The following KCNJ16 variants were observed in gnomAD, a reference collection of about 807,000 sequenced individuals.
KCNJ16 encodes inward rectifier potassium channel 16.
KCNJ16 carries 15 observed loss-of-function variants against 18.5 expected under a neutral mutation model. The observed-to-expected ratio is 0.81, with a 90% confidence interval of 0.54 to 1.25. KCNJ16 has a LOEUF of 1.25. KCNJ16 is among the 50% of genes most tolerant of loss of function. KCNJ16 has a pLI of 0.00. For missense variants in KCNJ16, 523 were observed against 525.7 expected (o/e 0.99, Z 0.05); for synonymous variants, 174 against 186.5 (o/e 0.93, Z 0.55).
chr17:70,118,479 T>C (rs968296879), intron 2 of KCNJ16, among the ~76,000 whole-genome samples: 2 of 152,056 alleles, frequency 1.3e-5, no homozygotes, highest in African/African-American at 4.8e-5. Context: ...AATTGGGTCA[T>C]AGTTCTGCAG....
chr17:70,110,446 A>G (rs1051009027), intron 2 of KCNJ16, among the ~76,000 whole-genome samples: 3 of 150,568 alleles, frequency 2.0e-5, no homozygotes, highest in African/African-American at 7.3e-5. Flanking sequence ...CTCTCAGGTC[A>G]GGAACCAGAC....
intron 2 of KCNJ16, among the ~76,000 whole-genome samples, chr17:70,107,944 T>C (rs1437004357): frequency 6.6e-6 from 1 of 152,190 alleles, no homozygotes; most frequent in African/African-American, 2.4e-5. Flanking sequence ...AAGTTGATTA[T>C]CCAAATTCAG....
At chr17:70,084,025 G>A (rs982027775) in intron 1 of KCNJ16, among the ~76,000 whole-genome samples, 5 of 152,178 alleles carry the variant, frequency 3.3e-5, no homozygotes, top group African/African-American at 9.7e-5. Flanking sequence ...CATAGAAACT[G>A]AAAGAGGAGA....
At chr17:70,129,618 C>T (rs1598184767) in intron 2 of KCNJ16, among the ~76,000 whole-genome samples, 1 of 152,198 alleles carries the variant, frequency 6.6e-6, no homozygotes, top group Non-Finnish European at 1.5e-5. Flanking sequence ...AATCTGAATG[C>T]TTGCCTTTGG....
chr17:70,092,511 T>C (rs908445901), intron 1 of KCNJ16, among the ~76,000 whole-genome samples: 1 of 38,818 alleles, frequency 2.6e-5, no homozygotes, highest in Non-Finnish European at 5.4e-5. Flanking sequence ...GATAGATAGA[T>C]AGATAGATAG....
At chr17:70,083,701 G>C (rs1464580536) in intron 1 of KCNJ16, among the ~76,000 whole-genome samples, 4 of 151,980 alleles carry the variant, frequency 2.6e-5, no homozygotes, top group Non-Finnish European at 5.9e-5. Context: ...GCATTTGACA[G>C]AATATATCCT....
chr17:70,105,407 G>C (rs2072879148), intron 2 of KCNJ16, among the ~76,000 whole-genome samples: 2 of 152,178 alleles, frequency 1.3e-5, no homozygotes, highest in African/African-American at 4.8e-5. Flanking sequence ...GAGCAACGTG[G>C]AAGAGGTGAA....
At chr17:70,105,048 G>C (rs2072852690) in intron 2 of KCNJ16, 1 of 152,612 alleles carries the variant, frequency 6.6e-6, no homozygotes, top group African/African-American at 2.4e-5. Context: ...ATGGGGTTCA[G>C]ATCTGCACTT....
chr17:70,127,382 C>G (rs1428783422), intron 2 of KCNJ16, among the ~76,000 whole-genome samples: 1 of 151,916 alleles, frequency 6.6e-6, no homozygotes, highest in Admixed American at 6.6e-5. Flanking sequence ...TCCACCTAAG[C>G]GGGTCTGAAT....
intron 2 of KCNJ16, among the ~76,000 whole-genome samples, chr17:70,115,892 G>C (rs1050383552): frequency 6.6e-6 from 1 of 152,118 alleles, no homozygotes; most frequent in Non-Finnish European, 1.5e-5. Context: ...ATGTCTGTAC[G>C]ACTGTCTGCC....
Position 70,088,372 on chromosome 17 carries a change from A to C in KCNJ16, c.-299-12286A>C, listed in dbSNP as rs139178782. On this transcript the variant is annotated intron_variant, in intron 1 of 3. Coordinates refer to ENST00000392671, the MANE Select transcript of KCNJ16 (RefSeq NM_170741.4). ...GAGACTCTAATGCTGCCGCTGATCC[A>C]GCAGGCGGAGGAGCTCAGATGGTAA... Among the ~76,000 whole-genome samples the C allele has an allele frequency of 5.3e-5, 8 of 152,354 alleles. No homozygotes were observed. In the East Asian group the frequency reaches 1.5e-3, roughly 29 times the overall value.
At chr17:70,079,771 C>T (rs922301568) in intron 1 of KCNJ16, among the ~76,000 whole-genome samples, 2 of 152,098 alleles carry the variant, frequency 1.3e-5, no homozygotes, top group African/African-American at 2.4e-5. Context: ...GGCATGATCT[C>T]GGCCCACTGC....
intron 2 of KCNJ16, among the ~76,000 whole-genome samples, chr17:70,117,623 T>C (rs2073464392): frequency 1.3e-5 from 2 of 152,298 alleles, no homozygotes; most frequent in South Asian, 2.1e-4. Flanking sequence ...AACACTGATG[T>C]TTTTATAGTC....
chr17:70,126,256 T>C (rs951033231), intron 2 of KCNJ16, among the ~76,000 whole-genome samples: 33 of 152,206 alleles, frequency 2.2e-4, no homozygotes. Context: ...CCTGGGTCTG[T>C]TAGGTCGTAG....
chr17:70,127,512 ACTCTTAATACCTCT>A (rs2073895769), intron 2 of KCNJ16, among the ~76,000 whole-genome samples: 1 of 151,580 alleles, frequency 6.6e-6, no homozygotes, highest in African/African-American at 2.4e-5. Context: ...CATTGTCCTA[ACTCTTAATACCTCT>A]CTCTCTCTGC....
At chr17:70,094,912 G>A (rs536194367) in intron 1 of KCNJ16, among the ~76,000 whole-genome samples, 10 of 152,224 alleles carry the variant, frequency 6.6e-5, no homozygotes, top group African/African-American at 2.4e-4. Flanking sequence ...ATCATCACCA[G>A]TCATCACTGA....
chr17:70,097,165 A>T (rs2072415678), intron 1 of KCNJ16, among the ~76,000 whole-genome samples: 1 of 152,180 alleles, frequency 6.6e-6, no homozygotes, highest in Admixed American at 6.5e-5. Context: ...CAAACGAGAC[A>T]TGACCTCACT....
rs1346930117 is a variant in KCNJ16 at position 70,087,934 on chromosome 17, T to C, written c.-300+12544T>C. Among the ~76,000 whole-genome samples the C allele has an allele frequency of 2.1e-5, 3 of 144,548 alleles. No individual in the cohort carries two copies. The East Asian group carries it at 6.2e-4, about 30-fold the overall frequency. 94.8% of individuals were successfully genotyped at this position (144,548 alleles called of 152,430 possible). ...CAAACGCTAGAACAGGTGAATCGCT[T>C]GAACCTGGGAGGTGGAGTTTGCAGT... On this transcript the variant is annotated intron_variant, in intron 1 of 3. Transcript: ENST00000392671.
chr17:70,075,686 G>A (rs2071275391), intron 1 of KCNJ16, among the ~76,000 whole-genome samples: 1 of 152,088 alleles, frequency 6.6e-6, no homozygotes, highest in Non-Finnish European at 1.5e-5. Context: ...GTCTAAAAGT[G>A]GCTTTATTAT....
Sources: allele counts gnomAD v4.1 joint callset (sites outside exome capture counted in the v4.1 genomes callset), GRCh38; gene constraint gnomAD v4.1.1; transcripts MANE v1.5; gene names NCBI Gene and HGNC (gene_info 2026-07-23, HGNC 2026-07-21).